COL4A6: variants seen among roughly 807,000 people sequenced by gnomAD.
The protein encoded by COL4A6 is collagen alpha-6(IV) chain.
In COL4A6, 59 loss-of-function variants were observed where a neutral mutation model predicts 126.7. That is an observed-to-expected ratio of 0.47 (90% CI 0.38 to 0.58). COL4A6 has a LOEUF of 0.58. Among genes scored for constraint, COL4A6 ranks in the 20% least tolerant of loss-of-function variants. The probability of loss-of-function intolerance (pLI) is 0.00; values close to 1 mark genes in which losing one functional copy is unlikely to be tolerated. For synonymous variants in COL4A6, 547 were observed against 496.6 expected, an observed-to-expected ratio of 1.10 and a Z score of -1.35; for missense variants, 1,285 against 1,337.3, an observed-to-expected ratio of 0.96 and a Z score of 0.61.
At chrX:108,396,073 A>G (rs939387823) in intron 2 of COL4A6, among the ~76,000 whole-genome samples, 1 of 111,808 alleles carries the variant, frequency 8.9e-6, no homozygotes, top group African/African-American at 3.2e-5. Context: ...ATATTAATAA[A>G]TAATAACAAA....
intron 3 of COL4A6, among the ~76,000 whole-genome samples, chrX:108,227,251 A>G (rs1040399635): frequency 5.3e-5 from 6 of 112,322 alleles, no homozygotes; most frequent in African/African-American, 1.9e-4. Context: ...GAGTGGAGAA[A>G]TGATTGAGAA....
chrX:108,413,186 G>T (rs1449623005), intron 2 of COL4A6, among the ~76,000 whole-genome samples: 1 of 111,741 alleles, frequency 8.9e-6, no homozygotes, highest in Admixed American at 9.5e-5. Flanking sequence ...CAAAATTAGG[G>T]TACAAAAGTG....
At chrX:108,332,162 T>C (rs1343418933) in intron 2 of COL4A6, among the ~76,000 whole-genome samples, 2 of 111,819 alleles carry the variant, frequency 1.8e-5, no homozygotes, top group Non-Finnish European at 3.8e-5. Context: ...GTTCCATCCA[T>C]GTTGCTGCAA....
At chrX:108,204,175 G>T (rs778667455) in intron 12 of COL4A6, 145 bp downstream of exon 12, 3 of 373,261 alleles carry the variant, frequency 8.0e-6, no homozygotes, top group African/African-American at 5.3e-5. Context: ...AACAAAGAAG[G>T]CTTTTTACTC....
At chrX:108,434,234 T>C (rs2147409434) in intron 2 of COL4A6, among the ~76,000 whole-genome samples, 1 of 112,126 alleles carries the variant, frequency 8.9e-6, no homozygotes, top group East Asian at 2.8e-4. Flanking sequence ...CTAGGGGTAC[T>C]TTTTTCATGC....
chrX:108,404,906 T>A (rs942580024), intron 2 of COL4A6, among the ~76,000 whole-genome samples: 10 of 111,988 alleles, frequency 8.9e-5, no homozygotes, highest in Non-Finnish European at 1.9e-4. Context: ...ATCTTGAATA[T>A]TTTGTTTACT....
At chrX:108,429,723 C>T (rs2064146157) in intron 2 of COL4A6, among the ~76,000 whole-genome samples, 3 of 111,691 alleles carry the variant, frequency 2.7e-5, no homozygotes, top group South Asian at 7.6e-4. Context: ...AAAGGTAAAA[C>T]GAGTTACTCT....
chrX:108,307,512 G>A (rs2038655252), intron 3 of COL4A6, among the ~76,000 whole-genome samples: 1 of 112,172 alleles, frequency 8.9e-6, no homozygotes. Flanking sequence ...TTTTGCAGGA[G>A]TGCTAGGTGT....
chrX:108,328,451 T>C (rs1412962901), intron 2 of COL4A6, among the ~76,000 whole-genome samples: 2 of 108,991 alleles, frequency 1.8e-5, no homozygotes, highest in Non-Finnish European at 3.8e-5. Context: ...GAGAGAGAAA[T>C]GGAATATGAT....
chrX:108,175,502 T>C lies in COL4A6; in HGVS notation c.2830+152A>G, dbSNP rs780216238. 3.0e-4 allele frequency: 190 copies of C among 627,622 alleles called. 1 individual carries two copies. The South Asian group carries it at 6.0e-3, about 20-fold the overall frequency. 51.7% of individuals were successfully genotyped at this position (627,622 alleles called of 1,213,427 possible). A position where few individuals can be genotyped will look rare whatever the true frequency, so the allele number is the denominator to read the frequency against. ...CAGTGTTAACTAAGAGGGGATTAAG[T>C]CTTTTGGTTTAAAAGGACTTAATTC... On this transcript the variant is annotated intron_variant, in intron 29 of 44. Coordinates refer to ENST00000334504, the MANE Select transcript of COL4A6 (RefSeq NM_033641.4).
At chrX:108,419,952 A>C (rs750923134) in intron 2 of COL4A6, among the ~76,000 whole-genome samples, 2 of 112,252 alleles carry the variant, frequency 1.8e-5, no homozygotes, top group East Asian at 5.6e-4. Flanking sequence ...TAACAAATTG[A>C]CAAGTTCCTT....
At chrX:108,177,125 T>C (rs181264880) in intron 27 of COL4A6, 114 bp from the exon 28 acceptor site, 70 of 699,058 alleles carry the variant, frequency 1.0e-4, no homozygotes, top group South Asian at 5.4e-4. Flanking sequence ...GTTTTGTAAA[T>C]GGCCCTTTAA....
chrX:108,171,636 G>A (rs2034308071), intron 32 of COL4A6, among the ~76,000 whole-genome samples, 175 bp from the exon 33 acceptor site: 2 of 111,858 alleles, frequency 1.8e-5, no homozygotes, highest in South Asian at 3.8e-4. Context: ...CTGGGATGCT[G>A]CTACCAGACT....
intron 3 of COL4A6, among the ~76,000 whole-genome samples, chrX:108,292,433 G>T (rs1424509114): frequency 8.9e-6 from 1 of 111,908 alleles, no homozygotes; most frequent in Admixed American, 9.5e-5. Flanking sequence ...AAATGGGGCC[G>T]CCTCTTAGAA....
rs748749238 is a variant in COL4A6, at chrX:108,156,530, G to A, written c.*470C>T. ...TCCTTGAAGAGTGAGGACTTGCTCT[G>A]TGCAGACTTGAGCCATCCATGAATA... On this transcript the variant is annotated 3_prime_UTR_variant, in exon 45 of 45. Transcript: ENST00000334504. 6.1e-5 allele frequency: 8 copies of A among 131,617 alleles called. No individual in the cohort carries two copies. The highest frequency in any genetic ancestry group is 2.4e-4 in the Admixed American group (3 of 12,429). 10.8% of individuals were successfully genotyped at this position (131,617 alleles called of 1,213,427 possible).
At position 108,172,514 on chromosome X, in the gene COL4A6, C is replaced by T. The variant is rs1329799694; in HGVS notation, c.3157G>A (p.Gly1053Arg). 3 of 1,207,035 alleles carry T rather than the reference C, an allele frequency of 2.5e-6. No individual in the cohort carries two copies. Among genetic ancestry groups the T allele is most frequent in the Non-Finnish European group, 3.4e-6 (3 of 892,684 alleles). ...PGESGSQGIR[G>R]SPGLPGASGL... ...GATGCTCCTGGGAGTCCAGGCGACC[C>T]TCTGATACCTTGTGAACCCTTCGAA... Residue 1053 changes from glycine to arginine, a missense_variant, in exon 32 of 45, where the codon GGG becomes AGG. Coordinates refer to ENST00000334504, the MANE Select transcript of COL4A6 (RefSeq NM_033641.4).
At chrX:108,415,703 T>C (rs772435236) in intron 2 of COL4A6, among the ~76,000 whole-genome samples, 8 of 112,396 alleles carry the variant, frequency 7.1e-5, no homozygotes, top group Non-Finnish European at 1.5e-4. Flanking sequence ...TGATCAACCT[T>C]TCAATTTACT....
rs767832884 is a variant in COL4A6 at position 108,171,259 on chromosome X, T to C, written c.3277+128A>G. On this transcript the variant is annotated intron_variant, in intron 33 of 44. Transcript: ENST00000334504. Reference sequence around the variant, plus strand: ...AGAGTAGGCTGATTTGCTTGGGGAATTGATAGATAGGAAATTTTCTGCACT... The same window carrying C: ...AGAGTAGGCTGATTTGCTTGGGGAACTGATAGATAGGAAATTTTCTGCACT... 185 of 539,423 alleles carry C rather than the reference T, an allele frequency of 3.4e-4. 4 individuals are homozygous for C. The Admixed American group carries it at 6.0e-3, about 17-fold the overall frequency. 44.5% of individuals were successfully genotyped at this position (539,423 alleles called of 1,213,427 possible).
At chrX:108,193,590 T>C in intron 17 of COL4A6, 38 bp downstream of exon 17, 1 of 1,079,988 alleles carries the variant, frequency 9.3e-7, no homozygotes, top group South Asian at 1.9e-5. Context: ...TTTAACTTCC[T>C]GTCTTTATTT....
Sources: allele counts gnomAD v4.1 joint callset (sites outside exome capture counted in the v4.1 genomes callset), GRCh38; gene constraint gnomAD v4.1.1; transcripts MANE v1.5; gene names NCBI Gene and HGNC (gene_info 2026-07-23, HGNC 2026-07-21).